The following DOT1L variants were observed in gnomAD, a reference collection of about 807,000 sequenced individuals.
DOT1L encodes histone-lysine N-methyltransferase, H3 lysine-79 specific.
Under a neutral mutation model 153.3 loss-of-function variants are expected in DOT1L, and 33 were observed. That is an observed-to-expected ratio of 0.22 (90% CI 0.16 to 0.29). DOT1L has a LOEUF of 0.29. DOT1L is among the 10% of genes least tolerant of loss of function. The pLI is 1.00. For synonymous variants in DOT1L, 1,135 were observed against 965.1 expected (o/e 1.18, Z -3.26); for missense variants, 1,847 against 2,119.9 (o/e 0.87, Z 2.53).
rs2024527553 is a variant in DOT1L, at chr19:2,229,957, C to G, written c.*165C>G. The G allele has an allele frequency of 8.6e-7, 1 of 1,167,158 alleles. No individual in the cohort carries two copies. The highest frequency in any genetic ancestry group is 1.5e-5 in the African/African-American group (1 of 65,714). 72.3% of individuals were successfully genotyped at this position (1,167,158 alleles called of 1,614,324 possible). On this transcript the variant is annotated 3_prime_UTR_variant, in exon 28 of 28. Transcript: ENST00000398665. ...CGGCACGCGCCGCAGGAGGCTGGGACTGGTCCAGTTTGTACTGTCGATAGT... is the reference window on the plus strand; with the variant it reads ...CGGCACGCGCCGCAGGAGGCTGGGAGTGGTCCAGTTTGTACTGTCGATAGT...
rs577115029 is a variant in DOT1L, at chr19:2,165,164, C to G, written c.81+899C>G. Among the ~76,000 whole-genome samples the G allele has an allele frequency of 3.7e-3, 571 of 152,294 alleles. 4 individuals carry two copies. The highest frequency in any genetic ancestry group is 0.013 in the African/African-American group (536 of 41,574). ...CCCTCTGGCCACGCTCCGGGCTGGG[C>G]AGGGCGCGTTTTCGGGGAAAAGTGA... On this transcript the variant is annotated intron_variant, in intron 1 of 27. Coordinates refer to ENST00000398665, the MANE Select transcript of DOT1L (RefSeq NM_032482.3).
chr19:2,170,477 C>T (rs535113701), intron 1 of DOT1L, among the ~76,000 whole-genome samples: 11 of 152,250 alleles, frequency 7.2e-5, no homozygotes, highest in African/African-American at 1.9e-4. Context: ...AGAGGAGTTG[C>T]GGAACCAGAT....
Position 2,197,444 on chromosome 19 carries a change from C to T in DOT1L, c.652-2440C>T, listed in dbSNP as rs564106279. On this transcript the variant is annotated intron_variant, in intron 7 of 27. Transcript: ENST00000398665. The surrounding 1 kb of genome is among the most constrained non-coding windows in gnomAD (Gnocchi z 4.1). ...GCCATGGTGCCTTCCTCCGCGCGGT[C>T]TGGCTGGGCTGAGCCTTGCTCAGGA... Among the ~76,000 whole-genome samples the T allele has an allele frequency of 6.6e-6, 1 of 152,328 alleles. No homozygotes were observed. The highest frequency in any genetic ancestry group is 2.1e-4 in the South Asian group (1 of 4,830).
At chr19:2,214,909 G>T in intron 19 of DOT1L, among the ~76,000 whole-genome samples, 1 of 152,184 alleles carries the variant, frequency 6.6e-6, no homozygotes, top group Non-Finnish European at 1.5e-5. Flanking sequence ...TCATAGGGGA[G>T]AATTTGCTCA....
intron 1 of DOT1L, among the ~76,000 whole-genome samples, chr19:2,178,919 T>C (rs1292535335): frequency 1.3e-5 from 2 of 152,330 alleles, no homozygotes; most frequent in African/African-American, 2.4e-5. Context: ...AGACTTTCTA[T>C]GTGGCTTTAT....
In DOT1L at chr19:2,222,704, T is replaced by C. The variant is rs1568368182; in HGVS notation, c.3390+145T>C. 1.3e-6 allele frequency: 1 copy of C among 784,922 alleles called. No homozygotes were observed. The highest frequency in any genetic ancestry group is 1.7e-5 in the African/African-American group (1 of 57,200). 48.6% of individuals were successfully genotyped at this position (784,922 alleles called of 1,614,324 possible). A position where few individuals can be genotyped will look rare whatever the true frequency, so the allele number is the denominator to read the frequency against. On this transcript the variant is annotated intron_variant, in intron 24 of 27. Transcript: ENST00000398665. This position sits in a 1 kb window ranked among gnomAD's most constrained non-coding sequence, Gnocchi z 6.5. ...TCACAAGATCAGGACATCAAGACCA[T>C]CCTGGCTAACACGGTGAAACCCCGT...
Position 2,222,688 on chromosome 19 carries a change from C to CA in DOT1L, c.3390+130dup. 1 of 887,768 alleles carries CA rather than the reference C, an allele frequency of 1.1e-6. No homozygotes were observed. Among genetic ancestry groups the CA allele is most frequent in the Admixed American group, 2.9e-5 (1 of 34,198 alleles). The allele number at this position is 887,768 out of a possible 1,614,324, so 55.0% of individuals were successfully genotyped here. ...GGCCGAGGCGGGTGGATCACAAGAT[C>CA]AGGACATCAAGACCATCCTGGCTAA... On this transcript the variant is annotated intron_variant, in intron 24 of 27. Coordinates refer to ENST00000398665, the MANE Select transcript of DOT1L (RefSeq NM_032482.3). This position sits in a 1 kb window ranked among gnomAD's most constrained non-coding sequence, Gnocchi z 6.5.
chr19:2,207,626 G>T lies in DOT1L; in HGVS notation c.909G>T (p.Val303=). The T allele has an allele frequency of 6.2e-7, 1 of 1,612,822 alleles. No individual in the cohort carries two copies. The highest frequency in any genetic ancestry group is 8.5e-7 in the Non-Finnish European group (1 of 1,179,818). Residue 303 remains valine (V), a synonymous_variant, in exon 11 of 28, where the codon GTG becomes GTT. Coordinates refer to ENST00000398665, the MANE Select transcript of DOT1L (RefSeq NM_032482.3). This position sits in a 1 kb window ranked among gnomAD's most constrained non-coding sequence, Gnocchi z 4.5. ...VVELSPLKGS[V]SWTGKPVSYY... is the part of the protein sequence containing the mutation. ...AGCTCTCGCCCCTGAAGGGCTCGGT[G>T]TCGTGGACGGGGAAGCCAGTCTCCT... is the stretch of plus-strand genomic sequence containing the variant.
At chr19:2,227,811 G>A (rs1463160362) in intron 27 of DOT1L, 1 of 1,303,918 alleles carries the variant, frequency 7.7e-7, no homozygotes, top group East Asian at 5.5e-5. Context: ...GGCTGCATGT[G>A]GCAGCGCCAC....
chr19:2,194,677 G>GTTGGCACATGGCTC, intron 7 of DOT1L, 100 bp downstream of exon 7: 2 of 1,335,924 alleles, frequency 1.5e-6, no homozygotes, highest in Non-Finnish European at 2.1e-6. Context: ...GCACATGGCT[G>GTTGGCACATGGCTC]TTGGCACATG....
rs2024637175 is a variant in DOT1L at position 2,232,303 on chromosome 19, G to A, written c.*2511G>A. ...TCCCCCTTAATTTATCTGCCCCCAG[G>A]ATGCGTCAGTCTGTTCAGTGGTCAG... On this transcript the variant is annotated 3_prime_UTR_variant, in exon 28 of 28. Transcript: ENST00000398665. 1 of 216,916 alleles carries A rather than the reference G, an allele frequency of 4.6e-6. No individual in the cohort carries two copies. Among genetic ancestry groups the A allele is most frequent in the South Asian group, 1.9e-4 (1 of 5,390 alleles). The allele number at this position is 216,916 out of a possible 1,614,324, so 13.4% of individuals were successfully genotyped here.
chr19:2,211,023 C>T lies in DOT1L; in HGVS notation c.1352-76C>T, dbSNP rs966559889. Reference sequence around the variant, plus strand: ...CCCCATCCTAAGGGGTTGCTGGGCACCTGCCCCATGCTGACGCCTCTGCCC... The same window carrying T: ...CCCCATCCTAAGGGGTTGCTGGGCATCTGCCCCATGCTGACGCCTCTGCCC... On this transcript the variant is annotated intron_variant, in intron 14 of 27. Coordinates refer to ENST00000398665, the MANE Select transcript of DOT1L (RefSeq NM_032482.3). 2.8e-5 allele frequency: 42 copies of T among 1,497,688 alleles called. No homozygotes were observed. The South Asian group carries it at 4.3e-4, about 15-fold the overall frequency. 92.8% of individuals were successfully genotyped at this position (1,497,688 alleles called of 1,614,324 possible).
chr19:2,175,004 A>AT (rs201460295), intron 1 of DOT1L, among the ~76,000 whole-genome samples: 58 of 107,198 alleles, frequency 5.4e-4, no homozygotes, highest in African/African-American at 2.6e-3. Flanking sequence ...GTATATATAT[A>AT]TTTTTTTTTT....
intron 17 of DOT1L, 81 bp from the exon 18 acceptor site, chr19:2,213,768 G>A (rs2023797677): frequency 6.2e-7 from 1 of 1,604,632 alleles, no homozygotes; most frequent in Non-Finnish European, 8.5e-7. Context: ...CAGGGGCTGG[G>A]CTGCAGGGGT....
rs140549958 is a variant in DOT1L, at chr19:2,175,517, C to G, written c.82-5196C>G. Among the ~76,000 whole-genome samples the G allele has an allele frequency of 1.6e-4, 25 of 152,268 alleles. No individual in the cohort carries two copies. The East Asian group carries it at 4.6e-3, about 28-fold the overall frequency. ...TAACCAAGTATAACTGGAATATTAT[C>G]ATTTTATCATGTAATTAAAAAATTG... is the stretch of plus-strand genomic sequence containing the variant. On this transcript the variant is annotated intron_variant, in intron 1 of 27. Coordinates refer to ENST00000398665, the MANE Select transcript of DOT1L (RefSeq NM_032482.3).
intron 5 of DOT1L, among the ~76,000 whole-genome samples, chr19:2,192,139 G>A (rs758446819): frequency 2.0e-5 from 3 of 152,180 alleles, no homozygotes; most frequent in Admixed American, 6.5e-5. Context: ...CCCCACGTCT[G>A]CCCCCTTTCC....
rs1021306608 is a variant in DOT1L, at chr19:2,231,930, C to A, written c.*2138C>A. ...TGGCCCAGGCAGAAGTCTCCTTGAG[C>A]CCACTGGGTCATATGCGTGTCACCA... On this transcript the variant is annotated 3_prime_UTR_variant, in exon 28 of 28. Coordinates refer to ENST00000398665, the MANE Select transcript of DOT1L (RefSeq NM_032482.3). The A allele has an allele frequency of 9.3e-6, 2 of 216,012 alleles. No individual in the cohort carries two copies. Among genetic ancestry groups the A allele is most frequent in the Admixed American group, 1.2e-4 (2 of 17,144 alleles). 13.4% of individuals were successfully genotyped at this position (216,012 alleles called of 1,614,324 possible).
At chr19:2,167,804 C>A (rs1024130765) in intron 1 of DOT1L, among the ~76,000 whole-genome samples, 2 of 150,524 alleles carry the variant, frequency 1.3e-5, no homozygotes, top group Admixed American at 1.3e-4. Context: ...GGCACAATCT[C>A]CACTCACTGC....
intron 7 of DOT1L, among the ~76,000 whole-genome samples, chr19:2,195,871 G>A (rs751709657): frequency 1.3e-5 from 2 of 152,240 alleles, no homozygotes; most frequent in Non-Finnish European, 2.9e-5. Flanking sequence ...GTTGTCATTC[G>A]ACTCTCACAG....
Sources: gnomAD v4.1 joint callset for allele counts (sites outside exome capture counted in the v4.1 genomes callset) on GRCh38, gnomAD v4.1.1 for gene constraint, Gnocchi (gnomAD v3.1) non-coding constraint, MANE v1.5 for transcripts, NCBI Gene and HGNC (gene_info 2026-07-23, HGNC 2026-07-21) for gene names.